CAGE1: variants seen among roughly 807,000 people sequenced by gnomAD.
The protein encoded by CAGE1 is cancer antigen 1.
Under a neutral mutation model 94.9 loss-of-function variants are expected in CAGE1, and 66 were observed. The ratio of observed to expected loss-of-function variants is 0.70; its 90% CI spans 0.57 to 0.85. The LOEUF is 0.85. Ranked by LOEUF, CAGE1 falls within the 40% of genes least tolerant of loss-of-function variation. CAGE1 has a pLI of 0.00. For missense variants in CAGE1, 865 were observed against 950.4 expected (o/e 0.91, Z 1.18); for synonymous variants, 319 against 321.0 (o/e 0.99, Z 0.07).
At chr6:7,346,666 G>T (rs1759553673) in intron 11 of CAGE1, among the ~76,000 whole-genome samples, 1 of 151,694 alleles carries the variant, frequency 6.6e-6, no homozygotes, top group Non-Finnish European at 1.5e-5. Context: ...GGCCAACACG[G>T]CAAAACCCTG....
In CAGE1 at chr6:7,328,934, AT is replaced by A. The variant is rs869241612; in HGVS notation, c.2478+914del. Among the ~76,000 whole-genome samples the A allele has an allele frequency of 8.8e-3, 938 of 106,686 alleles. 8 individuals carry two copies. Among genetic ancestry groups the A allele is most frequent in the African/African-American group, 0.018 (434 of 24,714 alleles). 70.0% of individuals were successfully genotyped at this position (106,686 alleles called of 152,430 possible). ...TGTGTGTGTGTATATATATATATAT[AT>A]TTTTTTTTTTTTTTGAGATAGAGTC... On this transcript the variant is annotated intron_variant, in intron 13 of 13. Transcript: ENST00000502583.
At chr6:7,372,951 C>A in intron 5 of CAGE1, 122 bp downstream of exon 5, 1 of 764,300 alleles carries the variant, frequency 1.3e-6, no homozygotes, top group Non-Finnish European at 2.0e-6. Flanking sequence ...GTGCCGAGAT[C>A]TGTTTCTTTC....
intron 7 of CAGE1, 49 bp from the exon 8 acceptor site, chr6:7,365,933 C>A: frequency 1.9e-6 from 2 of 1,079,480 alleles, no homozygotes; most frequent in South Asian, 1.5e-5. Flanking sequence ...TACAACTACG[C>A]TCTAATATTT....
chr6:7,328,902 GTGTGTGTGTGTGT>G (rs1758627619), intron 13 of CAGE1, among the ~76,000 whole-genome samples: 1 of 92,858 alleles, frequency 1.1e-5, no homozygotes, highest in African/African-American at 4.3e-5. Flanking sequence ...GTGTGTGTGT[GTGTGTGTGTGTGT>G]GTGTATATAT....
intron 9 of CAGE1, among the ~76,000 whole-genome samples, chr6:7,364,932 C>T (rs915664625): frequency 6.6e-6 from 1 of 152,214 alleles, no homozygotes; most frequent in South Asian, 2.1e-4. Context: ...CTAATTAACT[C>T]CTATAAAAAT....
intron 5 of CAGE1, 65 bp downstream of exon 5, chr6:7,373,008 C>T (rs954709068): frequency 3.0e-5 from 34 of 1,119,876 alleles, no homozygotes; most frequent in South Asian, 2.9e-4. Context: ...CGTCTAAATA[C>T]GCATCACTAG....
intron 3 of CAGE1, among the ~76,000 whole-genome samples, chr6:7,379,823 A>G (rs1381357405): frequency 6.6e-6 from 1 of 152,168 alleles, no homozygotes; most frequent in Non-Finnish European, 1.5e-5. Flanking sequence ...GACACCCTTA[A>G]TGTCTCAGTA....
chr6:7,358,030 A>ATATATATATGTG (rs1554138215), intron 9 of CAGE1, among the ~76,000 whole-genome samples: 1 of 15,772 alleles, frequency 6.3e-5, no homozygotes, highest in Non-Finnish European at 1.3e-4. Context: ...GTTTTGAGAT[A>ATATATATATGTG]TATATATATA....
At position 7,373,606 on chromosome 6, in the gene CAGE1, T is replaced by C. The variant is rs758879397; in HGVS notation, c.1213A>G (p.Met405Val). 3.7e-6 allele frequency: 6 copies of C among 1,613,522 alleles called. No individual in the cohort carries two copies. The Admixed American group carries it at 1.0e-4, about 27-fold the overall frequency. The change falls in exon 5 of 14, where the codon ATG becomes GTG. Residue 405 changes from methionine to valine, a missense_variant. Coordinates refer to ENST00000502583, the MANE Select transcript of CAGE1 (RefSeq NM_001170692.2). The part of the protein sequence containing the change: ...HLQESRNDKE[M>V]LQLQFKKIKA... ...ATCTTCTTAAATTGAAGCTGTAACA[T>C]TTCCTTGTCATTCCTGGATTCCTGA...
At chr6:7,352,016 C>T (rs564947577) in intron 11 of CAGE1, among the ~76,000 whole-genome samples, 4 of 136,680 alleles carry the variant, frequency 2.9e-5, no homozygotes, top group African/African-American at 9.4e-5. Context: ...CAACATAGTA[C>T]TGGAAGTCCT....
chr6:7,387,686 G>A (rs1332860538), intron 1 of CAGE1, among the ~76,000 whole-genome samples: 1 of 151,926 alleles, frequency 6.6e-6, no homozygotes, highest in Non-Finnish European at 1.5e-5. Flanking sequence ...CATCATGCAT[G>A]GCTATTCAGA....
chr6:7,365,150 G>C (rs997634455), intron 9 of CAGE1, among the ~76,000 whole-genome samples: 1 of 152,146 alleles, frequency 6.6e-6, no homozygotes, highest in East Asian at 1.9e-4. Context: ...GTTGTACACA[G>C]CTATTACTGC....
intron 7 of CAGE1, among the ~76,000 whole-genome samples, chr6:7,367,344 G>T: frequency 7.9e-6 from 1 of 125,914 alleles, no homozygotes; most frequent in Non-Finnish European, 1.6e-5. Flanking sequence ...TTTGAGACTT[G>T]CCTCACCACA....
chr6:7,377,960 A>G (rs1367994313), intron 4 of CAGE1, among the ~76,000 whole-genome samples: 1 of 152,226 alleles, frequency 6.6e-6, no homozygotes, highest in African/African-American at 2.4e-5. Flanking sequence ...TAGAAAAAGT[A>G]GTATTTTTTG....
intron 11 of CAGE1, chr6:7,341,125 T>C: frequency 1.8e-6 from 1 of 559,920 alleles, no homozygotes; most frequent in Non-Finnish European, 3.5e-6. Context: ...GATGTACTTG[T>C]GAGCTTCCCA....
chr6:7,389,483 C>A lies in CAGE1; in HGVS notation c.-305G>T. 1 of 376,164 alleles carries A rather than the reference C, an allele frequency of 2.7e-6. No homozygotes were observed. 23.3% of individuals were successfully genotyped at this position (376,164 alleles called of 1,614,324 possible). On this transcript the variant is annotated 5_prime_UTR_variant, in exon 1 of 14. Coordinates refer to ENST00000502583, the MANE Select transcript of CAGE1 (RefSeq NM_001170692.2). ...GGGAACTCCGCAGAGACAGGTGCAG[C>A]CCGCGAGGCCCGAGCGACCCTACTG...
In CAGE1 at chr6:7,389,535, G is replaced by C. The variant is rs116653727; in HGVS notation, c.-357C>G. 5.2e-3 allele frequency: 1,830 copies of C among 349,768 alleles called. 23 individuals carry two copies. Among genetic ancestry groups the C allele is most frequent in the African/African-American group, 0.036 (1,684 of 46,780 alleles). 21.7% of individuals were successfully genotyped at this position (349,768 alleles called of 1,614,324 possible). On this transcript the variant is annotated 5_prime_UTR_variant, in exon 1 of 14. Coordinates refer to ENST00000502583, the MANE Select transcript of CAGE1 (RefSeq NM_001170692.2). Reference sequence around the variant, plus strand: ...GGGTGCGGTGTCTTCCCAGAGAGTGGTGAAGTTAGGAAGGTACGACCCCCT... The same window carrying C: ...GGGTGCGGTGTCTTCCCAGAGAGTGCTGAAGTTAGGAAGGTACGACCCCCT...
intron 12 of CAGE1, chr6:7,331,291 T>C: frequency 1.1e-6 from 1 of 947,754 alleles, no homozygotes; most frequent in Non-Finnish European, 1.5e-6. Flanking sequence ...GTTTATCACA[T>C]GGCAAACAAA....
At chr6:7,388,055 A>AAAG (rs1292274013) in intron 1 of CAGE1, among the ~76,000 whole-genome samples, 5 of 128,142 alleles carry the variant, frequency 3.9e-5, no homozygotes, top group Non-Finnish European at 8.4e-5. Flanking sequence ...AAAAAAAAAA[A>AAAG]GTCTTTCAGT....
Sources: gnomAD v4.1 joint callset for allele counts (sites outside exome capture counted in the v4.1 genomes callset) on GRCh38, gnomAD v4.1.1 for gene constraint, MANE v1.5 for transcripts, NCBI Gene and HGNC (gene_info 2026-07-23, HGNC 2026-07-21) for gene names.